Variants in CNTLN observed in about 807,000 individuals in gnomAD.
CNTLN encodes the protein centlein, centrosomal protein.
Under a neutral mutation model 180.0 loss-of-function variants are expected in CNTLN, and 212 were observed. The observed-to-expected ratio is 1.18, with a 90% CI of 1.05 to 1.32. CNTLN has a LOEUF of 1.32. CNTLN is among the 40% of genes most tolerant of loss of function. The pLI is 0.00. For missense variants in CNTLN, 2,095 were observed against 1,610.9 expected, an observed-to-expected ratio of 1.30 and a Z score of -5.14; for synonymous variants, 722 against 563.1, an observed-to-expected ratio of 1.28 and a Z score of -3.99.
intron 2 of CNTLN, among the ~76,000 whole-genome samples, chr9:17,143,735 C>A (rs16935368): frequency 0.014 from 2,147 of 152,286 alleles, 53 homozygotes; most frequent in African/African-American, 0.048. Flanking sequence ...AGGGAACTTA[C>A]TAGACGTGAC....
At chr9:17,377,993 T>C (rs1035183173) in intron 13 of CNTLN, among the ~76,000 whole-genome samples, 1 of 152,246 alleles carries the variant, frequency 6.6e-6, no homozygotes, top group African/African-American at 2.4e-5. Context: ...CTTTTGCATA[T>C]ATTTTTGCAT....
intron 23 of CNTLN, among the ~76,000 whole-genome samples, chr9:17,474,867 C>CAA (rs1277854068): frequency 7.8e-5 from 9 of 115,452 alleles, no homozygotes; most frequent in African/African-American, 1.9e-4. Context: ...GACTCCACCT[C>CAA]AAAAAAAAAA....
chr9:17,221,493 A>G (rs1412417800), intron 2 of CNTLN, among the ~76,000 whole-genome samples: 1 of 152,124 alleles, frequency 6.6e-6, no homozygotes, highest in African/African-American at 2.4e-5. Context: ...CAACAAAATA[A>G]TAAAGCAAGA....
rs769618816 is a variant in CNTLN at position 17,415,790 on chromosome 9, C to T, written c.2799C>T (p.Asp933=). The T allele has an allele frequency of 6.3e-7, 1 of 1,581,468 alleles. No individual in the cohort carries two copies. The highest frequency in any genetic ancestry group is 8.7e-7 in the Non-Finnish European group (1 of 1,152,786). Reference sequence around the variant, plus strand: ...TTTTATGAAATCTTCAAATTTAGGACTATTTTCATGATAAGAATGCCAAAA... The same window carrying T: ...TTTTATGAAATCTTCAAATTTAGGATTATTTTCATGATAAGAATGCCAAAA... ...YLNIDGKTPK[D]YFHDKNAKKP... is the part of the protein sequence containing the mutation. Residue 933 remains aspartate, a splice_region_variant and synonymous_variant, in exon 17 of 26, where the codon GAC becomes GAT. Transcript: ENST00000380647.
rs189498787 is a variant in CNTLN, at chr9:17,218,627, A to G, written c.450-7576A>G. ...GAATTGTTTAAATTGCAAACCATTG[A>G]TATGTATAAAATCTGCATTTTAATA... On this transcript the variant is annotated intron_variant, in intron 2 of 25. Coordinates refer to ENST00000380647, the MANE Select transcript of CNTLN (RefSeq NM_017738.4). Among the ~76,000 whole-genome samples the G allele has an allele frequency of 3.2e-3, 485 of 152,260 alleles. 4 individuals carry two copies. The highest frequency in any genetic ancestry group is 3.1e-3 in the Non-Finnish European group (213 of 67,956).
At chr9:17,183,722 A>T (rs1821262029) in intron 2 of CNTLN, among the ~76,000 whole-genome samples, 1 of 152,096 alleles carries the variant, frequency 6.6e-6, no homozygotes, top group African/African-American at 2.4e-5. Flanking sequence ...TATATAAACA[A>T]TGCTGAGATC....
intron 12 of CNTLN, among the ~76,000 whole-genome samples, chr9:17,344,042 C>T (rs900160446): frequency 4.6e-5 from 7 of 152,134 alleles, no homozygotes; most frequent in African/African-American, 1.4e-4. Context: ...AATGACCCTT[C>T]TGTCTCTAAA....
At chr9:17,359,725 C>CCAAAA (rs1823160860) in intron 12 of CNTLN, among the ~76,000 whole-genome samples, 1 of 21,338 alleles carries the variant, frequency 4.7e-5, no homozygotes, top group Non-Finnish European at 9.9e-5. Context: ...ACTAAAAATA[C>CCAAAA]AAAAAAAAAA....
chr9:17,510,397 G>C, the CNTLN span, among the ~76,000 whole-genome samples: 1 of 152,148 alleles, frequency 6.6e-6, no homozygotes, highest in Non-Finnish European at 1.5e-5. Context: ...AGTTGACAAG[G>C]GTGGACTTGA....
At chr9:17,376,429 T>C (rs1431831046) in intron 13 of CNTLN, among the ~76,000 whole-genome samples, 1 of 151,916 alleles carries the variant, frequency 6.6e-6, no homozygotes, top group Admixed American at 6.5e-5. Flanking sequence ...ATCTCTTTTT[T>C]TTCTTTTTCT....
chr9:17,138,633 CT>C (rs1250782034), intron 1 of CNTLN, among the ~76,000 whole-genome samples: 1 of 152,122 alleles, frequency 6.6e-6, no homozygotes, highest in Admixed American at 6.6e-5. Flanking sequence ...ATTTTTCATG[CT>C]AATAATTTAC....
chr9:17,450,421 A>G (rs1229847340), intron 18 of CNTLN, among the ~76,000 whole-genome samples: 4 of 152,230 alleles, frequency 2.6e-5, no homozygotes, highest in African/African-American at 9.6e-5. Context: ...TTAAAAAAGA[A>G]AGTTCCTCTG....
At chr9:17,250,462 T>C (rs1254716466) in intron 5 of CNTLN, among the ~76,000 whole-genome samples, 1 of 152,052 alleles carries the variant, frequency 6.6e-6, no homozygotes, top group Non-Finnish European at 1.5e-5. Flanking sequence ...CTTAGTTGAT[T>C]TTTTCTAGTG....
At chr9:17,201,751 T>C (rs1822546871) in intron 2 of CNTLN, among the ~76,000 whole-genome samples, 1 of 151,998 alleles carries the variant, frequency 6.6e-6, no homozygotes, top group Admixed American at 6.6e-5. Context: ...GTCTAGCTAG[T>C]GATCTATTTT....
intron 19 of CNTLN, among the ~76,000 whole-genome samples, chr9:17,461,800 G>T (rs898102383): frequency 6.6e-6 from 1 of 151,456 alleles, no homozygotes; most frequent in Admixed American, 6.6e-5. Context: ...ATGGATTAAT[G>T]TGAGTATGTC....
Position 17,388,221 on chromosome 9 carries a change from G to A in CNTLN, c.2047G>A (p.Gly683Arg), listed in dbSNP as rs1000252358. 5.0e-6 allele frequency: 8 copies of A among 1,612,160 alleles called. No homozygotes were observed. The highest frequency in any genetic ancestry group is 6.8e-6 in the Non-Finnish European group (8 of 1,178,650). Reference sequence around the variant, plus strand: ...CAAGAGGAGTACTCCAGAGAAGAATGGAAAAGAAATGTTGGAGCAGACATT... The same window carrying A: ...CAAGAGGAGTACTCCAGAGAAGAATAGAAAAGAAATGTTGGAGCAGACATT... ...EVKRSTPEKN[G>R]KEMLEQTLQK... The change falls in exon 14 of 26, where the codon GGA (glycine) becomes AGA (arginine). Residue 683 changes from glycine to arginine, a missense_variant. Transcript: ENST00000380647.
At position 17,202,667 on chromosome 9, in the gene CNTLN, T is replaced by G. The variant is rs981440688; in HGVS notation, c.450-23536T>G. Among the ~76,000 whole-genome samples the G allele has an allele frequency of 4.2e-5, 6 of 141,840 alleles. No individual in the cohort carries two copies. In the East Asian group the frequency reaches 1.1e-3, roughly 25 times the overall value. 93.1% of individuals were successfully genotyped at this position (141,840 alleles called of 152,430 possible). A position where few individuals can be genotyped will look rare whatever the true frequency, so the allele number is the denominator to read the frequency against. On this transcript the variant is annotated intron_variant, in intron 2 of 25. Transcript: ENST00000380647. ...CTCTGTTTTTTTTTTTTTTTTTTTT[T>G]TTTGTTGCTTTCCATTTGCTTGGTA...
At chr9:17,515,176 G>C in the CNTLN span, among the ~76,000 whole-genome samples, 1 of 152,042 alleles carries the variant, frequency 6.6e-6, no homozygotes, top group East Asian at 1.9e-4. Context: ...ATTTGGCCCT[G>C]CTGGTCACGC....
intron 6 of CNTLN, among the ~76,000 whole-genome samples, chr9:17,284,328 G>A (rs1186782797): frequency 6.6e-6 from 1 of 152,132 alleles, no homozygotes; most frequent in African/African-American, 2.4e-5. Flanking sequence ...AATAGTTTCG[G>A]AAGGAATGGT....
Sources: allele counts gnomAD v4.1 joint callset (sites outside exome capture counted in the v4.1 genomes callset), GRCh38; gene constraint gnomAD v4.1.1; transcripts MANE v1.5; gene names NCBI Gene and HGNC (gene_info 2026-07-23, HGNC 2026-07-21).